Variants in ABCC12 observed in about 807,000 individuals in gnomAD.
ABCC12 encodes the protein ATP binding cassette subfamily C member 12.
A neutral mutation model predicts 151.1 loss-of-function variants in ABCC12; 142 were observed. The ratio of observed to expected loss-of-function variants is 0.94; its 90% confidence interval spans 0.82 to 1.08. The LOEUF (loss-of-function observed/expected upper bound fraction) is 1.08, where lower values mean the gene tolerates loss of function less well. ABCC12 is among the 50% of genes least tolerant of loss of function. The probability of loss-of-function intolerance (pLI) is 0.00; values close to 1 mark genes in which losing one functional copy is unlikely to be tolerated. For synonymous variants in ABCC12, 645 were observed against 646.4 expected (o/e 1.00, Z 0.03); for missense variants, 1,638 against 1,691.1 (o/e 0.97, Z 0.55).
chr16:48,108,150 C>A (rs919007351), intron 19 of ABCC12, among the ~76,000 whole-genome samples: 1 of 152,214 alleles, frequency 6.6e-6, no homozygotes, highest in Non-Finnish European at 1.5e-5. Context: ...AATGGACTGG[C>A]CACTGCTGTA....
chr16:48,127,339 T>C (rs1964273491), intron 11 of ABCC12, among the ~76,000 whole-genome samples: 1 of 152,120 alleles, frequency 6.6e-6, no homozygotes, highest in Non-Finnish European at 1.5e-5. Flanking sequence ...AGGAGATGCA[T>C]GCAGGAGATG....
intron 1 of ABCC12, among the ~76,000 whole-genome samples, chr16:48,154,765 T>A (rs1965161830): frequency 6.6e-6 from 1 of 152,266 alleles, no homozygotes; most frequent in Non-Finnish European, 1.5e-5. Flanking sequence ...GTTTGAGAAC[T>A]GGACTCTGGG....
intron 24 of ABCC12, among the ~76,000 whole-genome samples, chr16:48,094,571 C>T (rs1186459151): frequency 6.6e-6 from 1 of 152,222 alleles, no homozygotes; most frequent in Non-Finnish European, 1.5e-5. Flanking sequence ...TCCTCTTCCC[C>T]TCTTCTTTCT....
intron 24 of ABCC12, 36 bp from the exon 25 acceptor site, chr16:48,091,245 C>T (rs1473761211): frequency 1.3e-6 from 2 of 1,593,258 alleles, no homozygotes; most frequent in Admixed American, 1.7e-5. Flanking sequence ...AGTTAGAGCC[C>T]CTTCCTCCTT....
intron 25 of ABCC12, among the ~76,000 whole-genome samples, chr16:48,089,203 AATAGAGGGATGGATGAC>A (rs1185811636): frequency 6.6e-6 from 1 of 152,210 alleles, no homozygotes; most frequent in African/African-American, 2.4e-5. Context: ...GAGCTTAGCG[AATAGAGGGATGGATGAC>A]TTAGAGGAAT....
chr16:48,117,538 G>A (rs1338138687), intron 13 of ABCC12, among the ~76,000 whole-genome samples: 25 of 152,210 alleles, frequency 1.6e-4, no homozygotes, highest in Non-Finnish European at 1.5e-5. Context: ...CTGACCTGAT[G>A]CAGAGTTGAT....
chr16:48,093,157 G>C (rs192078147), intron 24 of ABCC12, among the ~76,000 whole-genome samples: 1 of 152,088 alleles, frequency 6.6e-6, no homozygotes, highest in Non-Finnish European at 1.5e-5. Flanking sequence ...ATCCTACCAC[G>C]CACAGAACAG....
At chr16:48,121,431 T>C (rs917678670) in intron 13 of ABCC12, 4 of 326,300 alleles carry the variant, frequency 1.2e-5, no homozygotes, top group South Asian at 3.7e-5. Context: ...TCAGACCACA[T>C]ATGCCCTGTT....
chr16:48,122,994 G>A (rs940645683), intron 12 of ABCC12, among the ~76,000 whole-genome samples: 12 of 152,200 alleles, frequency 7.9e-5, no homozygotes, highest in African/African-American at 2.7e-4. Flanking sequence ...GAAACAGCTG[G>A]GGAACCCAGG....
At chr16:48,113,062 G>C (rs1567450177) in intron 15 of ABCC12, among the ~76,000 whole-genome samples, 1 of 152,168 alleles carries the variant, frequency 6.6e-6, no homozygotes, top group Non-Finnish European at 1.5e-5. Context: ...AAGATGGTTT[G>C]ACCGAAAGAA....
rs201418837 is a variant in ABCC12 at position 48,115,653 on chromosome 16, G to A, written c.1786-35C>T. The A allele has an allele frequency of 4.4e-6, 7 of 1,583,690 alleles. 1 individual carries two copies. Among genetic ancestry groups the A allele is most frequent in the South Asian group, 2.3e-5 (2 of 87,650 alleles). On this transcript the variant is annotated intron_variant, in intron 14 of 30. Coordinates refer to ENST00000311303, the MANE Select transcript of ABCC12 (RefSeq NM_001393797.1). ...GGGACAATGCTACTGCCCATTGTCAGCCCACCCTGAAGTTCTTGGGCAATG... is the reference window on the plus strand; with the variant it reads ...GGGACAATGCTACTGCCCATTGTCAACCCACCCTGAAGTTCTTGGGCAATG...
intron 22 of ABCC12, among the ~76,000 whole-genome samples, chr16:48,103,240 G>A (rs1313042029): frequency 6.6e-6 from 1 of 151,832 alleles, no homozygotes; most frequent in African/African-American, 2.4e-5. Context: ...ATAATCCTGT[G>A]CACAGGTGAA....
At chr16:48,104,095 AGTGT>A (rs750745683) in intron 22 of ABCC12, 43 bp downstream of exon 22, 3 of 1,532,024 alleles carry the variant, frequency 2.0e-6, no homozygotes, top group South Asian at 1.2e-5. Flanking sequence ...ATACCCAGTC[AGTGT>A]GTGTGTGTAT....
Position 48,100,923 on chromosome 16 carries a change from T to G in ABCC12, c.2987A>C (p.Gln996Pro). 1 of 1,614,190 alleles carries G rather than the reference T, an allele frequency of 6.2e-7. No homozygotes were observed. The highest frequency in any genetic ancestry group is 2.2e-5 in the East Asian group (1 of 44,880). The change falls in exon 23 of 31, where the codon CAG becomes CCG. Residue 996 changes from glutamine (Q) to proline (P), a missense_variant. Coordinates refer to ENST00000311303, the MANE Select transcript of ABCC12 (RefSeq NM_001393797.1). ...ATAGGCGTGAATGATGCCCAGGCCC[T>G]GCATGGAGGAGGTGATGTGGGTGAA... is the stretch of plus-strand genomic sequence containing the variant. ...PWFTHITSSM[Q>P]GLGIIHAYGK...
At chr16:48,112,616 C>T (rs1290268873) in intron 15 of ABCC12, among the ~76,000 whole-genome samples, 1 of 152,038 alleles carries the variant, frequency 6.6e-6, no homozygotes, top group African/African-American at 2.4e-5. Flanking sequence ...ATAAATAAAT[C>T]GAAATCTGAT....
chr16:48,147,887 T>G (rs1242970269), intron 2 of ABCC12, among the ~76,000 whole-genome samples: 2 of 152,240 alleles, frequency 1.3e-5, no homozygotes, highest in Admixed American at 1.3e-4. Flanking sequence ...CCCACATGTT[T>G]TAGAGCTAGT....
chr16:48,129,257 C>T (rs1198593367), intron 10 of ABCC12, among the ~76,000 whole-genome samples: 1 of 152,204 alleles, frequency 6.6e-6, no homozygotes, highest in Non-Finnish European at 1.5e-5. Context: ...GAGATGAGAA[C>T]ATGCACGGAT....
In ABCC12 at chr16:48,130,875, C is replaced by T. The variant is rs1160829866; in HGVS notation, c.1149G>A (p.Met383Ile). 6.2e-7 allele frequency: 1 copy of T among 1,612,416 alleles called. No individual in the cohort carries two copies. The highest frequency in any genetic ancestry group is 1.7e-5 in the Admixed American group (1 of 60,032). ...CAATGGAAAACTTCATTACATTAAA[C>T]ATGGCAATCACACTAAATGCCTGAA... ...TAPVAFSVIA[M>I]FNVMKFSIAI... Residue 383 changes from methionine to isoleucine, a missense_variant, in exon 10 of 31, where the codon ATG (methionine) becomes ATA (isoleucine). Physicochemically the swap from Met to Ile is conservative, Grantham distance 10. Coordinates refer to ENST00000311303, the MANE Select transcript of ABCC12 (RefSeq NM_001393797.1).
intron 2 of ABCC12, among the ~76,000 whole-genome samples, chr16:48,151,303 A>G (rs1314008359): frequency 1.3e-5 from 2 of 152,208 alleles, no homozygotes; most frequent in African/African-American, 4.8e-5. Context: ...ATTGAGGGAC[A>G]GTCTACAAAA....
Sources: gnomAD v4.1 joint callset for allele counts (sites outside exome capture counted in the v4.1 genomes callset) on GRCh38, gnomAD v4.1.1 for gene constraint, MANE v1.5 for transcripts, NCBI Gene and HGNC (gene_info 2026-07-23, HGNC 2026-07-21) for gene names.